The following NALF1 variants were observed in gnomAD, a reference collection of about 807,000 sequenced individuals.
The protein encoded by NALF1 is family with sequence similarity 155 member A.
In NALF1, 3 loss-of-function variants were observed where a neutral mutation model predicts 48.4. The ratio of observed to expected loss-of-function variants is 0.06; its 90% CI spans 0.03 to 0.16. The LOEUF is 0.16. Among genes scored for constraint, NALF1 ranks in the 10% least tolerant of loss-of-function variants. The probability of loss-of-function intolerance (pLI) is 1.00; values close to 1 mark genes in which losing one functional copy is unlikely to be tolerated. For synonymous variants in NALF1, 262 were observed against 245.7 expected (o/e 1.07, Z -0.62); for missense variants, 526 against 571.5 (o/e 0.92, Z 0.81).
At chr13:107,819,964 A>T (rs982970861) in intron 1 of NALF1, among the ~76,000 whole-genome samples, 1 of 152,158 alleles carries the variant, frequency 6.6e-6, no homozygotes, top group East Asian at 1.9e-4. Flanking sequence ...CCAACGATGT[A>T]TTCATCCACA....
chr13:107,600,575 G>A (rs900886328), intron 1 of NALF1, among the ~76,000 whole-genome samples: 1 of 152,092 alleles, frequency 6.6e-6, no homozygotes, highest in Non-Finnish European at 1.5e-5. Flanking sequence ...CTGAGATACT[G>A]GCTAAGTCAC....
chr13:107,715,023 T>C (rs974564642), intron 1 of NALF1, among the ~76,000 whole-genome samples: 3 of 152,174 alleles, frequency 2.0e-5, no homozygotes, highest in African/African-American at 7.2e-5. Flanking sequence ...TTTGTGCTTA[T>C]ATAGTAGGTG....
At chr13:107,838,218 C>T (rs16971267) in intron 1 of NALF1, among the ~76,000 whole-genome samples, 7,375 of 152,180 alleles carry the variant, frequency 0.048, 349 homozygotes, top group East Asian at 0.26. Context: ...AAAAAGCCAG[C>T]ATCATCGGCA....
rs976619156 is a variant in NALF1 at position 107,167,554 on chromosome 13, A to C, written c.*2943T>G. 4.6e-5 allele frequency: 7 copies of C among 152,262 alleles called. No homozygotes were observed. The highest frequency in any genetic ancestry group is 8.8e-5 in the Non-Finnish European group (6 of 68,048). The allele number at this position is 152,262 out of a possible 1,614,324, so 9.4% of individuals were successfully genotyped here. A position where few individuals can be genotyped will look rare whatever the true frequency, so the allele number is the denominator to read the frequency against. On this transcript the variant is annotated 3_prime_UTR_variant, in exon 3 of 3. Transcript: ENST00000375915. ...TTACACTAATAAATACTAGGCACTG[A>C]AATCATTCTCCTGTAATAAGAATAG...
Position 107,411,453 on chromosome 13 carries a change from AG to A in NALF1, c.916-200699del, listed in dbSNP as rs1468945282. 2.6e-5 allele frequency among the ~76,000 whole-genome samples: 4 copies of A among 152,042 alleles called. No homozygotes were observed. In the East Asian group the frequency reaches 7.7e-4, roughly 29 times the overall value. On this transcript the variant is annotated intron_variant, in intron 1 of 2. Coordinates refer to ENST00000375915, the MANE Select transcript of NALF1 (RefSeq NM_001080396.3). ...CGACCCCACAAAGTATTGGGATTAC[AG>A]GCATGAGCTTCCCAGCTGAAATGTG...
At chr13:107,374,693 A>C (rs7990229) in intron 1 of NALF1, among the ~76,000 whole-genome samples, 72,866 of 151,888 alleles carry the variant, frequency 0.48, 18,410 homozygotes, top group East Asian at 0.75. Context: ...GGCGGGTTGT[A>C]ATGGCAGGTG....
At chr13:107,188,993 A>C (rs1422370803) in intron 2 of NALF1, among the ~76,000 whole-genome samples, 1 of 152,262 alleles carries the variant, frequency 6.6e-6, no homozygotes, top group Middle Eastern at 3.2e-3. Context: ...GCTGAAAGCT[A>C]ACTGCACATT....
Position 107,552,239 on chromosome 13 carries a change from A to G in NALF1, c.915+313443T>C, listed in dbSNP as rs113202439. 1.7e-3 allele frequency among the ~76,000 whole-genome samples: 255 copies of G among 152,304 alleles called. 2 individuals are homozygous for G. The highest frequency in any genetic ancestry group is 6.0e-3 in the African/African-American group (250 of 41,568). Reference sequence around the variant, plus strand: ...TGAGACTCTATCTATTCTTTTTAGTATATTCTCAGCACCCAGGTCATTGCC... The same window carrying G: ...TGAGACTCTATCTATTCTTTTTAGTGTATTCTCAGCACCCAGGTCATTGCC... On this transcript the variant is annotated intron_variant, in intron 1 of 2. Transcript: ENST00000375915.
At chr13:107,698,985 T>C (rs1328302815) in intron 1 of NALF1, among the ~76,000 whole-genome samples, 1 of 152,162 alleles carries the variant, frequency 6.6e-6, no homozygotes, top group African/African-American at 2.4e-5. Flanking sequence ...TAACCACTTG[T>C]ATTTTTACAA....
chr13:107,411,612 A>G (rs1285486804), intron 1 of NALF1, among the ~76,000 whole-genome samples: 3 of 152,106 alleles, frequency 2.0e-5, no homozygotes, highest in Non-Finnish European at 2.9e-5. Flanking sequence ...CGTACTCTTC[A>G]CCATGCTTCA....
intron 2 of NALF1, among the ~76,000 whole-genome samples, chr13:107,191,838 T>TTA (rs1386705871): frequency 4.1e-5 from 6 of 147,374 alleles, no homozygotes; most frequent in African/African-American, 1.5e-4. Flanking sequence ...TGCCTATTTT[T>TTA]TTTTTTTTTT....
chr13:107,783,087 C>G (rs1877958716), intron 1 of NALF1, among the ~76,000 whole-genome samples: 1 of 143,670 alleles, frequency 7.0e-6, no homozygotes, highest in Admixed American at 6.8e-5. Flanking sequence ...CCCTGCCCGG[C>G]CAGCCGCCTC....
intron 1 of NALF1, among the ~76,000 whole-genome samples, chr13:107,639,705 C>T (rs1880097664): frequency 6.6e-6 from 1 of 151,660 alleles, no homozygotes; most frequent in Admixed American, 6.6e-5. Flanking sequence ...TAAACAAACA[C>T]TGACAAAGAG....
intron 1 of NALF1, among the ~76,000 whole-genome samples, chr13:107,850,684 C>G (rs1249386432): frequency 6.6e-6 from 1 of 152,154 alleles, no homozygotes; most frequent in Non-Finnish European, 1.5e-5. Context: ...GGGTGGATTA[C>G]CTGAGGTCAG....
chr13:107,232,746 G>A (rs1204121286), intron 1 of NALF1, among the ~76,000 whole-genome samples: 2 of 152,200 alleles, frequency 1.3e-5, no homozygotes, highest in East Asian at 3.8e-4. Flanking sequence ...AAGAGATTCT[G>A]TGCACAGTTC....
At chr13:107,469,499 G>A (rs538784867) in intron 1 of NALF1, among the ~76,000 whole-genome samples, 1 of 152,150 alleles carries the variant, frequency 6.6e-6, no homozygotes, top group East Asian at 1.9e-4. Flanking sequence ...AACATCTGTG[G>A]ATCCTCAACT....
chr13:107,839,563 C>T (rs1163521232), intron 1 of NALF1, among the ~76,000 whole-genome samples: 2 of 151,420 alleles, frequency 1.3e-5, no homozygotes, highest in African/African-American at 4.9e-5. Flanking sequence ...TTATTCCCCA[C>T]CTGTGAGGAA....
chr13:107,854,700 G>A (rs1338610921), intron 1 of NALF1, among the ~76,000 whole-genome samples: 4 of 151,844 alleles, frequency 2.6e-5, no homozygotes, highest in Non-Finnish European at 5.9e-5. Flanking sequence ...GCAAAACACC[G>A]TCTCTACTAA....
At chr13:107,299,468 T>TAATA (rs201700893) in intron 1 of NALF1, among the ~76,000 whole-genome samples, 2 of 59,210 alleles carry the variant, frequency 3.4e-5, no homozygotes, top group Non-Finnish European at 4.8e-5. Flanking sequence ...ATAATAATAA[T>TAATA]AATAAATAAA....
Sources: allele counts gnomAD v4.1 joint callset (sites outside exome capture counted in the v4.1 genomes callset), GRCh38; gene constraint gnomAD v4.1.1; transcripts MANE v1.5; gene names NCBI Gene and HGNC (gene_info 2026-07-23, HGNC 2026-07-21).